KLF12: variants seen among roughly 807,000 people sequenced by gnomAD.
The protein encoded by KLF12 is Krueppel-like factor 12.
Under a neutral mutation model 37.8 loss-of-function variants are expected in KLF12, and 9 were observed. That is an observed-to-expected ratio of 0.24 (90% confidence interval 0.14 to 0.42). KLF12 has a LOEUF of 0.42. Among genes scored for constraint, KLF12 ranks in the 10% least tolerant of loss-of-function variants. KLF12 has a pLI of 1.00. For missense variants in KLF12, 411 were observed against 516.0 expected, an observed-to-expected ratio of 0.80 and a Z score of 1.97; for synonymous variants, 208 against 202.1, an observed-to-expected ratio of 1.03 and a Z score of -0.25.
At chr13:73,824,660 A>C (rs1883731159) in intron 4 of KLF12, among the ~76,000 whole-genome samples, 1 of 152,220 alleles carries the variant, frequency 6.6e-6, no homozygotes, top group South Asian at 2.1e-4. Flanking sequence ...TCCGAAGAGA[A>C]AAATTTACTC....
the KLF12 span, among the ~76,000 whole-genome samples, chr13:74,234,246 C>T: frequency 6.6e-5 from 10 of 152,134 alleles, no homozygotes; most frequent in Non-Finnish European, 1.5e-4. Flanking sequence ...GATAAAAATG[C>T]ATCCCAAGAC....
At chr13:74,097,366 GACC>G (rs1876039332) in intron 1 of KLF12, among the ~76,000 whole-genome samples, 2 of 152,196 alleles carry the variant, frequency 1.3e-5, no homozygotes, top group South Asian at 4.2e-4. Context: ...TCTGTGCTGG[GACC>G]ACATTACCTA....
intron 1 of KLF12, among the ~76,000 whole-genome samples, chr13:73,995,481 C>T (rs1222995302): frequency 6.6e-6 from 1 of 152,032 alleles, no homozygotes; most frequent in Non-Finnish European, 1.5e-5. Context: ...TTCTTAGCAA[C>T]TGAGAGAATT....
intron 1 of KLF12, among the ~76,000 whole-genome samples, chr13:74,069,032 A>G (rs2138690826): frequency 6.6e-6 from 1 of 152,196 alleles, no homozygotes; most frequent in East Asian, 1.9e-4. Context: ...AATACAAAAG[A>G]GACTAAGGTT....
At chr13:74,125,409 T>C (rs189941545) in intron 1 of KLF12, among the ~76,000 whole-genome samples, 2 of 152,262 alleles carry the variant, frequency 1.3e-5, no homozygotes, top group African/African-American at 4.8e-5. Flanking sequence ...CCACCCTCCT[T>C]GATTTTCAGC....
chr13:73,820,311 T>A (rs1283386530), intron 4 of KLF12, among the ~76,000 whole-genome samples: 1 of 152,120 alleles, frequency 6.6e-6, no homozygotes, highest in African/African-American at 2.4e-5. Context: ...TACATCAAGG[T>A]CTATGTGGCA....
intron 1 of KLF12, among the ~76,000 whole-genome samples, chr13:74,105,583 CTT>C (rs1876608994): frequency 6.6e-6 from 1 of 151,950 alleles, no homozygotes; most frequent in African/African-American, 2.4e-5. Flanking sequence ...GGGAAAAGAT[CTT>C]TGTTAAAAGT....
At chr13:74,275,813 T>TCTTTCTTTC in the KLF12 span, among the ~76,000 whole-genome samples, 22 of 94,656 alleles carry the variant, frequency 2.3e-4, no homozygotes, top group Non-Finnish European at 3.9e-4. Context: ...TTTCCTTCTT[T>TCTTTCTTTC]CTTTCTTTCT....
chr13:74,026,341 T>C (rs527247250), intron 1 of KLF12, among the ~76,000 whole-genome samples: 30 of 152,268 alleles, frequency 2.0e-4, no homozygotes, highest in South Asian at 2.1e-4. Context: ...GCTTCTCTAA[T>C]AGAACTGTAT....
At chr13:74,299,062 G>A in the KLF12 span, among the ~76,000 whole-genome samples, 5 of 152,220 alleles carry the variant, frequency 3.3e-5, no homozygotes, top group Non-Finnish European at 7.3e-5. Flanking sequence ...GGAAATGCGG[G>A]TGCCCACATA....
the KLF12 span, among the ~76,000 whole-genome samples, chr13:74,245,370 G>C: frequency 3.3e-5 from 5 of 152,174 alleles, no homozygotes; most frequent in African/African-American, 9.6e-5. Context: ...TTAAAAGTCT[G>C]AAAGTGGAAA....
the KLF12 span, among the ~76,000 whole-genome samples, chr13:74,275,778 T>TTTTCTTTCTTTCTTTC: frequency 2.0e-4 from 19 of 93,888 alleles, 2 homozygotes; most frequent in African/African-American, 7.0e-4. Flanking sequence ...ATGCCTGTCT[T>TTTTCTTTCTTTCTTTC]TTTCTTTCTT....
intron 3 of KLF12, among the ~76,000 whole-genome samples, chr13:73,857,895 G>T (rs573832761): frequency 6.6e-6 from 1 of 152,206 alleles, no homozygotes; most frequent in African/African-American, 2.4e-5. Context: ...ATATTCAATG[G>T]CAGGGAAACT....
intron 2 of KLF12, among the ~76,000 whole-genome samples, chr13:73,949,840 T>C (rs1240715194): frequency 6.6e-6 from 1 of 152,238 alleles, no homozygotes; most frequent in Non-Finnish European, 1.5e-5. Context: ...CAGCCTTTCA[T>C]CTTACATTCT....
At chr13:74,054,791 C>T (rs2138615873) in intron 1 of KLF12, among the ~76,000 whole-genome samples, 1 of 152,276 alleles carries the variant, frequency 6.6e-6, no homozygotes, top group East Asian at 1.9e-4. Flanking sequence ...GCTTGTACCT[C>T]ATTTTCCAAA....
chr13:74,176,141 A>G, the KLF12 span, among the ~76,000 whole-genome samples: 1 of 152,082 alleles, frequency 6.6e-6, no homozygotes, highest in African/African-American at 2.4e-5. Flanking sequence ...AGCCATTTCA[A>G]CCTAACTTAT....
In KLF12 at chr13:74,017,085, G is replaced by GC. The variant is rs1299548826; in HGVS notation, c.-31-22033dup. On this transcript the variant is annotated intron_variant, in intron 1 of 7. Transcript: ENST00000377669. ...AGACAGCACAGTAGTTGACACTTGT[G>GC]CAAGAGGCTGCTGGTAATGTTTTAT... Among the ~76,000 whole-genome samples the GC allele has an allele frequency of 5.9e-5, 9 of 152,130 alleles. No homozygotes were observed. In the South Asian group the frequency reaches 1.9e-3, roughly 32 times the overall value.
intron 3 of KLF12, among the ~76,000 whole-genome samples, chr13:73,863,729 T>C (rs1227522262): frequency 6.6e-6 from 1 of 152,132 alleles, no homozygotes; most frequent in Non-Finnish European, 1.5e-5. Flanking sequence ...ATACTAGAGA[T>C]GCACAGTTTT....
chr13:73,820,344 C>T (rs1282911852), intron 4 of KLF12, among the ~76,000 whole-genome samples: 1 of 152,160 alleles, frequency 6.6e-6, no homozygotes, highest in Non-Finnish European at 1.5e-5. Context: ...TATATTTGTA[C>T]AAGTGATATT....
Sources: gnomAD v4.1 joint callset for allele counts (sites outside exome capture counted in the v4.1 genomes callset) on GRCh38, gnomAD v4.1.1 for gene constraint, MANE v1.5 for transcripts, NCBI Gene and HGNC (gene_info 2026-07-23, HGNC 2026-07-21) for gene names.